The following KIF1B variants were observed in gnomAD, a reference collection of about 807,000 sequenced individuals.
KIF1B encodes the protein kinesin-like protein KIF1B.
KIF1B carries 76 observed loss-of-function variants against 241.9 expected under a neutral mutation model. The ratio of observed to expected loss-of-function variants is 0.31; its 90% CI spans 0.26 to 0.38. The LOEUF (loss-of-function observed/expected upper bound fraction) is 0.38, where lower values mean the gene tolerates loss of function less well. KIF1B is among the 10% of genes least tolerant of loss of function. The pLI, the probability that KIF1B is intolerant of heterozygous loss-of-function variation, is 1.00. For synonymous variants in KIF1B, 750 were observed against 796.7 expected (o/e 0.94, Z 0.99); for missense variants, 1,622 against 2,271.4 (o/e 0.71, Z 5.81).
At chr1:10,376,446 G>C in intron 48 of KIF1B, 99 bp from the exon 49 acceptor site, 1 of 1,220,538 alleles carries the variant, frequency 8.2e-7, no homozygotes, top group Non-Finnish European at 1.2e-6. Flanking sequence ...GTGCCAAATA[G>C]GAAGATGCTC....
At chr1:10,329,330 T>G (rs1319289774) in intron 27 of KIF1B, among the ~76,000 whole-genome samples, 1 of 152,192 alleles carries the variant, frequency 6.6e-6, no homozygotes, top group Non-Finnish European at 1.5e-5. Context: ...CACCCAGTTG[T>G]GTAGTGGTCA....
Position 10,215,162 on chromosome 1 carries a change from ATATATATATATTTTTT to A in KIF1B, c.-80+4286_-80+4301del, listed in dbSNP as rs1388980043. On this transcript the variant is annotated intron_variant, in intron 1 of 48. Transcript: ENST00000676179. ...TTTATATATATATATATATATATATATATATATATATTTTTTTTTTTTTTTTTTTTTGAGACGGAGT... is the reference window on the plus strand; with the variant it reads ...TTTATATATATATATATATATATATATTTTTTTTTTTTTTTGAGACGGAGT... Among the ~76,000 whole-genome samples the A allele has an allele frequency of 9.8e-3, 698 of 71,066 alleles. 3 individuals are homozygous for A. Among genetic ancestry groups the A allele is most frequent in the African/African-American group, 0.051 (617 of 12,028 alleles). 46.6% of individuals were successfully genotyped at this position (71,066 alleles called of 152,430 possible). A position where few individuals can be genotyped will look rare whatever the true frequency, so the allele number is the denominator to read the frequency against.
chr1:10,332,133 C>A (rs748247444), intron 27 of KIF1B, among the ~76,000 whole-genome samples: 2 of 152,044 alleles, frequency 1.3e-5, no homozygotes. Flanking sequence ...GGTGCGATCT[C>A]GGCTCACTGC....
At position 10,326,088 on chromosome 1, in the gene KIF1B, T is replaced by C; in HGVS notation, c.2676-23T>C. 1.9e-6 allele frequency: 3 copies of C among 1,613,748 alleles called. No homozygotes were observed. Among genetic ancestry groups the C allele is most frequent in the Non-Finnish European group, 2.5e-6 (3 of 1,180,030 alleles). ...ATTCCTCTCTCCCTGGCTGTGTTAA[T>C]TGGCGTCTTACCTGGTGTCTAGCTC... On this transcript the variant is annotated intron_variant, in intron 26 of 48. Coordinates refer to ENST00000676179, the MANE Select transcript of KIF1B (RefSeq NM_001365951.3). This position sits in a 1 kb window ranked among gnomAD's most constrained non-coding sequence, Gnocchi z 5.2.
At chr1:10,263,518 G>C (rs145168953) in intron 5 of KIF1B, among the ~76,000 whole-genome samples, 25 of 151,898 alleles carry the variant, frequency 1.6e-4, no homozygotes, top group Admixed American at 1.2e-3. Flanking sequence ...TAGCCTTACA[G>C]CATTTCATTC....
chr1:10,372,683 G>A (rs1197484782), intron 45 of KIF1B, among the ~76,000 whole-genome samples: 3 of 127,716 alleles, frequency 2.3e-5, no homozygotes, highest in African/African-American at 8.7e-5. Flanking sequence ...AAGCTGGCGC[G>A]CAGCGGCGCA....
At chr1:10,296,817 T>C (rs1650287410) in intron 20 of KIF1B, 80 bp from the exon 21 acceptor site, 1 of 1,392,888 alleles carries the variant, frequency 7.2e-7, no homozygotes, top group Non-Finnish European at 1.0e-6. Context: ...CTTTTCACAT[T>C]AGGGAGGGGT....
chr1:10,223,640 G>A (rs1367145253), intron 1 of KIF1B, among the ~76,000 whole-genome samples: 2 of 149,710 alleles, frequency 1.3e-5, no homozygotes, highest in African/African-American at 2.5e-5. Flanking sequence ...TCTGCCTCCC[G>A]GGTTTAAGCA....
rs763357131 is a variant in KIF1B at position 10,303,709 on chromosome 1, G to C, written c.2115+6463G>C. The C allele has an allele frequency of 6.2e-7, 1 of 1,614,164 alleles. No homozygotes were observed. Among genetic ancestry groups the C allele is most frequent in the East Asian group, 2.2e-5 (1 of 44,886 alleles). On this transcript the variant is annotated intron_variant, in intron 22 of 48. Transcript: ENST00000676179. This position sits in a 1 kb window ranked among gnomAD's most constrained non-coding sequence, Gnocchi z 5.2. ...CAAAAAGCAAAATAACATGAAAGAC[G>C]AGGAGATAAAAGTCTTAAGAAATAA... is the stretch of plus-strand genomic sequence containing the variant.
chr1:10,295,902 C>T (rs1344770449), intron 19 of KIF1B, 136 bp downstream of exon 19: 6 of 795,910 alleles, frequency 7.5e-6, no homozygotes, highest in African/African-American at 5.2e-5. Flanking sequence ...GAGACCTGGG[C>T]TGCTTATGAA....
At chr1:10,350,511 A>T (rs1221124720) in intron 37 of KIF1B, among the ~76,000 whole-genome samples, 1 of 152,134 alleles carries the variant, frequency 6.6e-6, no homozygotes, top group African/African-American at 2.4e-5. Flanking sequence ...GTGAGCCACG[A>T]TTGTGCCACT....
intron 38 of KIF1B, among the ~76,000 whole-genome samples, chr1:10,353,929 T>G (rs1208169585): frequency 6.6e-6 from 1 of 152,208 alleles, no homozygotes; most frequent in South Asian, 2.1e-4. Flanking sequence ...TCTGCCAATG[T>G]TCAGCCGGGT....
chr1:10,343,575 T>C (rs974646475), intron 34 of KIF1B, among the ~76,000 whole-genome samples: 1 of 152,036 alleles, frequency 6.6e-6, no homozygotes, highest in Non-Finnish European at 1.5e-5. Context: ...CAGACCAACA[T>C]GGTGAAACCC....
intron 22 of KIF1B, among the ~76,000 whole-genome samples, chr1:10,297,456 A>G (rs1650326307): frequency 6.6e-6 from 1 of 152,152 alleles, no homozygotes; most frequent in Non-Finnish European, 1.5e-5. Flanking sequence ...TGGGCTTTTT[A>G]TGTCTTAAAG....
chr1:10,341,146 A>G (rs1569860294), intron 32 of KIF1B, among the ~76,000 whole-genome samples: 2 of 152,398 alleles, frequency 1.3e-5, no homozygotes, highest in Non-Finnish European at 2.9e-5. Context: ...GGGAAATAAA[A>G]TGCATACATA....
intron 12 of KIF1B, 87 bp downstream of exon 12, chr1:10,276,486 G>A: frequency 9.2e-6 from 8 of 867,310 alleles, no homozygotes; most frequent in Admixed American, 3.9e-5. Flanking sequence ...TATGCTATCT[G>A]GGTAGTTATT....
At chr1:10,258,985 T>G (rs1475787394) in intron 4 of KIF1B, among the ~76,000 whole-genome samples, 1 of 152,198 alleles carries the variant, frequency 6.6e-6, no homozygotes, top group African/African-American at 2.4e-5. Flanking sequence ...GTCCTGGAGA[T>G]GGGGGGATAT....
At chr1:10,272,527 TA>T in intron 9 of KIF1B, 1 of 614,892 alleles carries the variant, frequency 1.6e-6, no homozygotes. Context: ...TATAGATCTG[TA>T]AAAACTAGAG....
chr1:10,365,664 T>G lies in KIF1B; in HGVS notation c.4752+16T>G, dbSNP rs747161850. On this transcript the variant is annotated intron_variant, in intron 43 of 48. Transcript: ENST00000676179. The surrounding 1 kb of genome is among the most constrained non-coding windows in gnomAD (Gnocchi z 4.0). Reference sequence around the variant, plus strand: ...GGCTACCAAGGTGTGAATCCCTTCCTCTTTGCTGAACGTCTTCCCACAAGG... The same window carrying G: ...GGCTACCAAGGTGTGAATCCCTTCCGCTTTGCTGAACGTCTTCCCACAAGG... 6.2e-7 allele frequency: 1 copy of G among 1,613,892 alleles called. No homozygotes were observed. Among genetic ancestry groups the G allele is most frequent in the South Asian group, 1.1e-5 (1 of 91,086 alleles).
Sources: gnomAD v4.1 joint callset for allele counts (sites outside exome capture counted in the v4.1 genomes callset) on GRCh38, gnomAD v4.1.1 for gene constraint, Gnocchi (gnomAD v3.1) non-coding constraint, MANE v1.5 for transcripts, NCBI Gene and HGNC (gene_info 2026-07-23, HGNC 2026-07-21) for gene names.